UBE3C: variants seen among roughly 807,000 people sequenced by gnomAD.
UBE3C encodes ubiquitin protein ligase E3C.
A neutral mutation model predicts 129.4 loss-of-function variants in UBE3C; 42 were observed. The observed-to-expected ratio is 0.32, with a 90% CI of 0.25 to 0.42. The LOEUF (loss-of-function observed/expected upper bound fraction) is 0.42, where lower values mean the gene tolerates loss of function less well. Among genes scored for constraint, UBE3C ranks in the 10% least tolerant of loss-of-function variants. UBE3C has a pLI of 1.00. For synonymous variants in UBE3C, 510 were observed against 492.4 expected (o/e 1.04, Z -0.47); for missense variants, 1,049 against 1,319.1 (o/e 0.80, Z 3.17).
chr7:157,216,826 C>G, intron 13 of UBE3C, 41 bp from the exon 14 acceptor site: 2 of 1,499,286 alleles, frequency 1.3e-6, no homozygotes, highest in East Asian at 2.3e-5. Flanking sequence ...ATTGTGCTGC[C>G]GAGCTCACGT....
Position 157,178,842 on chromosome 7 carries a change from A to T in UBE3C, c.611A>T (p.His204Leu), listed in dbSNP as rs763489657. 1 of 1,614,090 alleles carries T rather than the reference A, an allele frequency of 6.2e-7. No individual in the cohort carries two copies. The highest frequency in any genetic ancestry group is 2.2e-5 in the East Asian group (1 of 44,870). ...GAACAAATTTTGCACTACATGATTC[A>T]CAATGGTAAGTAGTAGGCAGGATCA... ...VIEQILHYMIHNGYYRSLYLL... is the reference protein window; with the variant it reads ...VIEQILHYMILNGYYRSLYLL... Residue 204 changes from histidine to leucine, a missense_variant, in exon 6 of 23, where the codon CAC becomes CTC. Transcript: ENST00000348165.
At chr7:157,161,002 G>C (rs955554294) in intron 1 of UBE3C, among the ~76,000 whole-genome samples, 1 of 152,196 alleles carries the variant, frequency 6.6e-6, no homozygotes, top group Non-Finnish European at 1.5e-5. Context: ...TTGAGGGACA[G>C]CATCCAGGAC....
At chr7:157,263,960 G>GT (rs1334732712) in intron 22 of UBE3C, among the ~76,000 whole-genome samples, 1 of 151,908 alleles carries the variant, frequency 6.6e-6, no homozygotes, top group East Asian at 1.9e-4. Context: ...TTTGGTAGAG[G>GT]TAGGGTCTTG....
Position 157,217,971 on chromosome 7 carries a change from C to A in UBE3C, c.1914+1000C>A, listed in dbSNP as rs142415637. On this transcript the variant is annotated intron_variant, in intron 14 of 22. Coordinates refer to ENST00000348165, the MANE Select transcript of UBE3C (RefSeq NM_014671.3). ...CCTGGAGGCGGAGGTTGCAGTGAGC[C>A]AAGATCGTGCCACTGCACTGCAGCC... is the stretch of plus-strand genomic sequence containing the variant. 4.9e-3 allele frequency among the ~76,000 whole-genome samples: 739 copies of A among 151,924 alleles called. 4 individuals are homozygous for A. The highest frequency in any genetic ancestry group is 0.017 in the African/African-American group (711 of 41,426).
Position 157,211,167 on chromosome 7 carries a change from G to GGAGAGAGAGAGAGAGAGAGAGAGAGAGA in UBE3C, c.1809+3259_1809+3260insAGAGAGAGAGAGAGAGAGAGAGAGAGAG, listed in dbSNP as rs3039783. ...CCATGCCCTCATTATCCATATGTCTGGAGAGAGAGAGAGAGAGAGAGAGAG... is the reference window on the plus strand; with the variant it reads ...CCATGCCCTCATTATCCATATGTCTGGAGAGAGAGAGAGAGAGAGAGAGAGAGAGAGAGAGAGAGAGAGAGAGAGAGAG... On this transcript the variant is annotated intron_variant, in intron 13 of 22. Transcript: ENST00000348165. 9.4e-4 allele frequency among the ~76,000 whole-genome samples: 129 copies of GGAGAGAGAGAGAGAGAGAGAGAGAGAGA among 137,128 alleles called. 1 individual carries two copies. The highest frequency in any genetic ancestry group is 1.6e-3 in the African/African-American group (54 of 34,174). The allele number at this position is 137,128 out of a possible 152,430, so 90.0% of individuals were successfully genotyped here.
chr7:157,159,577 A>G (rs1207623990), intron 1 of UBE3C, among the ~76,000 whole-genome samples: 1 of 152,226 alleles, frequency 6.6e-6, no homozygotes, highest in Non-Finnish European at 1.5e-5. Context: ...GTGATTAAAT[A>G]CCATTTGCAG....
In UBE3C at chr7:157,256,916, G is replaced by A; in HGVS notation, c.2953G>A (p.Gly985Ser). Residue 985 changes from glycine to serine, a missense_variant and splice_region_variant, in exon 22 of 23, where the codon GGC (glycine) becomes AGC (serine). Physicochemically the swap from Gly to Ser is moderately conservative, Grantham distance 56 (BLOSUM62 0). Transcript: ENST00000348165. ...AGCATGTGTTCATTTTGCCATAGGA[G>A]GCTATTCTGCAGACCATCCTGTTAT... ...DLKSFTNYSG[G>S]YSADHPVIKV... The A allele has an allele frequency of 6.2e-7, 1 of 1,614,024 alleles. No homozygotes were observed.
intron 13 of UBE3C, among the ~76,000 whole-genome samples, chr7:157,210,864 C>T (rs1401285768): frequency 4.6e-5 from 7 of 152,228 alleles, no homozygotes; most frequent in Admixed American, 2.0e-4. Context: ...TGGCTGGTCA[C>T]AGAGCATAGA....
At chr7:157,144,124 G>A (rs1807534546) in intron 1 of UBE3C, among the ~76,000 whole-genome samples, 1 of 152,188 alleles carries the variant, frequency 6.6e-6, no homozygotes, top group African/African-American at 2.4e-5. Context: ...GAGAGTGAAT[G>A]GGAAGTCACA....
At chr7:157,211,551 C>G (rs898775258) in intron 13 of UBE3C, among the ~76,000 whole-genome samples, 34 of 152,068 alleles carry the variant, frequency 2.2e-4, no homozygotes, top group African/African-American at 8.0e-4. Context: ...TGTGAAAAAT[C>G]AGGCCTTGGC....
chr7:157,173,304 T>G (rs1586662240), intron 4 of UBE3C, among the ~76,000 whole-genome samples: 1 of 152,160 alleles, frequency 6.6e-6, no homozygotes, highest in Non-Finnish European at 1.5e-5. Flanking sequence ...TGAGCCCAGG[T>G]ATTCAAGGCT....
intron 13 of UBE3C, among the ~76,000 whole-genome samples, chr7:157,215,454 TTAGA>T (rs1195049800): frequency 6.7e-6 from 1 of 148,564 alleles, no homozygotes; most frequent in African/African-American, 2.4e-5. Flanking sequence ...CCAGTATAGA[TTAGA>T]TATATTATAA....
intron 11 of UBE3C, 86 bp from the exon 12 acceptor site, chr7:157,207,306 ATTATAT>A: frequency 1.3e-6 from 2 of 1,509,728 alleles, no homozygotes; most frequent in Non-Finnish European, 1.8e-6. Flanking sequence ...ACTTTCCCTG[ATTATAT>A]TTGTTTGATG....
intron 16 of UBE3C, among the ~76,000 whole-genome samples, chr7:157,224,708 A>G (rs1184264431): frequency 2.6e-5 from 4 of 151,986 alleles, no homozygotes; most frequent in Non-Finnish European, 5.9e-5. Context: ...CTCTATTTGC[A>G]TGGTGAACAA....
At chr7:157,229,185 C>T (rs1235522363) in intron 17 of UBE3C, among the ~76,000 whole-genome samples, 2 of 152,318 alleles carry the variant, frequency 1.3e-5, no homozygotes, top group East Asian at 3.9e-4. Flanking sequence ...CTGCAAAGCA[C>T]CTGTAGAACA....
At chr7:157,168,977 C>T in intron 2 of UBE3C, 71 bp from the exon 3 acceptor site, 1 of 1,285,462 alleles carries the variant, frequency 7.8e-7, no homozygotes, top group Non-Finnish European at 1.1e-6. Context: ...TTTTTAAAGT[C>T]TTTACTAGCA....
At position 157,204,235 on chromosome 7, in the gene UBE3C, CAATTT is replaced by C. The variant is rs149486055; in HGVS notation, c.1418+2431_1418+2435del. On this transcript the variant is annotated intron_variant, in intron 11 of 22. Transcript: ENST00000348165. ...TAACTGATTTTCTGAAACTGGCACT[CAATTT>C]AAGTCAAAAATAGTTTAACAGTAAG... is the stretch of plus-strand genomic sequence containing the variant. Among the ~76,000 whole-genome samples the C allele has an allele frequency of 9.4e-3, 1,431 of 152,048 alleles. 15 individuals are homozygous for C. Among genetic ancestry groups the C allele is most frequent in the African/African-American group, 0.033 (1,365 of 41,470 alleles).
intron 2 of UBE3C, among the ~76,000 whole-genome samples, chr7:157,165,090 C>T (rs1808177787): frequency 6.6e-6 from 1 of 152,138 alleles, no homozygotes; most frequent in Non-Finnish European, 1.5e-5. Flanking sequence ...CCAAAAATGT[C>T]ACCAGAAACT....
At chr7:157,143,744 C>T (rs1045887673) in intron 1 of UBE3C, among the ~76,000 whole-genome samples, 1 of 151,944 alleles carries the variant, frequency 6.6e-6, no homozygotes, top group African/African-American at 2.4e-5. Context: ...TGACTGAATG[C>T]CTGAGTTCCT....
Sources: gnomAD v4.1 joint callset for allele counts (sites outside exome capture counted in the v4.1 genomes callset) on GRCh38, gnomAD v4.1.1 for gene constraint, MANE v1.5 for transcripts, NCBI Gene and HGNC (gene_info 2026-07-23, HGNC 2026-07-21) for gene names.